Variants in ADCYAP1 observed in about 807,000 individuals in gnomAD.
ADCYAP1 encodes pituitary adenylate cyclase-activating polypeptide.
In ADCYAP1, 6 loss-of-function variants were observed where a neutral mutation model predicts 18.5. The observed-to-expected ratio is 0.32, with a 90% confidence interval of 0.18 to 0.64. The LOEUF (loss-of-function observed/expected upper bound fraction) is 0.64, where lower values mean the gene tolerates loss of function less well. Among genes scored for constraint, ADCYAP1 ranks in the 30% least tolerant of loss-of-function variants. ADCYAP1 has a pLI of 0.77. For synonymous variants in ADCYAP1, 136 were observed against 113.9 expected, an observed-to-expected ratio of 1.19 and a Z score of -1.24; for missense variants, 314 against 253.6, an observed-to-expected ratio of 1.24 and a Z score of -1.62.
Position 911,055 on chromosome 18 carries a change from C to T in ADCYAP1, c.*1420C>T, listed in dbSNP as rs1373654892. 6.6e-6 allele frequency: 1 copy of T among 151,958 alleles called. No individual in the cohort carries two copies. Among genetic ancestry groups the T allele is most frequent in the Non-Finnish European group, 1.5e-5 (1 of 67,978 alleles). 9.4% of individuals were successfully genotyped at this position (151,958 alleles called of 1,614,324 possible). A position where few individuals can be genotyped will look rare whatever the true frequency, so the allele number is the denominator to read the frequency against. Reference sequence around the variant, plus strand: ...CTTAGTAAAATTTATTTCATAAAACCAACCTTTGTCATATTAGAATGTGTA... The same window carrying T: ...CTTAGTAAAATTTATTTCATAAAACTAACCTTTGTCATATTAGAATGTGTA... On this transcript the variant is annotated 3_prime_UTR_variant, in exon 5 of 5. Transcript: ENST00000450565.
intron 4 of ADCYAP1, 74 bp downstream of exon 4, chr18:908,437 G>A (rs1271815919): frequency 3.0e-6 from 4 of 1,350,600 alleles, no homozygotes; most frequent in East Asian, 4.9e-5. Context: ...GGCGGGCGGC[G>A]GTGGGTGCCC....
intron 2 of ADCYAP1, chr18:905,802 G>A (rs1214485300): frequency 6.7e-5 from 31 of 460,656 alleles, no homozygotes; most frequent in Admixed American, 7.4e-5. Context: ...TGGGGGCAGG[G>A]CACGGCCCCT....
chr18:907,386 C>T (rs989496242), intron 2 of ADCYAP1, among the ~76,000 whole-genome samples: 2 of 144,174 alleles, frequency 1.4e-5, no homozygotes, highest in South Asian at 2.4e-4. Context: ...GGAGACGCCT[C>T]GGTTTCCCAG....
At chr18:904,478 G>C (rs1489338199), upstream of ADCYAP1, 2 of 1,289,122 alleles carry the variant, frequency 1.6e-6, no homozygotes, top group Admixed American at 4.6e-5. Flanking sequence ...AACCATGTTC[G>C]GATAGATTTT....
upstream of ADCYAP1, chr18:904,649 G>T: frequency 3.3e-6 from 4 of 1,229,886 alleles, no homozygotes; most frequent in South Asian, 5.6e-5. Context: ...CTACAAAGGC[G>T]GGCTAGCCGC....
Position 907,749 on chromosome 18 carries a change from G to T in ADCYAP1, c.201G>T (p.Ala67=). 3 of 1,504,450 alleles carry T rather than the reference G, an allele frequency of 2.0e-6. No homozygotes were observed. 93.2% of individuals were successfully genotyped at this position (1,504,450 alleles called of 1,614,324 possible). A position where few individuals can be genotyped will look rare whatever the true frequency, so the allele number is the denominator to read the frequency against. Residue 67 remains alanine, a synonymous_variant, in exon 3 of 5, where the codon GCG becomes GCT. Coordinates refer to ENST00000450565, the MANE Select transcript of ADCYAP1 (RefSeq NM_001099733.2). ...EPPGAGSPAS[A]PRAAAAWYRP... ...CGGGCGCAGGGAGCCCCGCCTCCGC[G>T]CCGCGCGCCGCCGCCGCCTGGTACC...
chr18:905,673 G>A (rs1861166659), intron 2 of ADCYAP1, 177 bp downstream of exon 2: 1 of 764,784 alleles, frequency 1.3e-6, no homozygotes, highest in Non-Finnish European at 2.1e-6. Context: ...CCGAGGGTCT[G>A]GCAGGCTCCG....
chr18:909,651 T>C lies in ADCYAP1; in HGVS notation c.*16T>C. 6.2e-7 allele frequency: 1 copy of C among 1,611,300 alleles called. No individual in the cohort carries two copies. The highest frequency in any genetic ancestry group is 8.5e-7 in the Non-Finnish European group (1 of 1,178,138). On this transcript the variant is annotated 3_prime_UTR_variant, in exon 5 of 5. Coordinates refer to ENST00000450565, the MANE Select transcript of ADCYAP1 (RefSeq NM_001099733.2). Reference sequence around the variant, plus strand: ...TTATTTGTAGCGATGGGTTACCAGCTACCCTGTGTATACAGCCCTGACGCA... The same window carrying C: ...TTATTTGTAGCGATGGGTTACCAGCCACCCTGTGTATACAGCCCTGACGCA...
intron 1 of ADCYAP1, 47 bp downstream of exon 1, chr18:905,107 T>C: frequency 1.5e-6 from 2 of 1,347,946 alleles, no homozygotes; most frequent in Non-Finnish European, 1.9e-6. Flanking sequence ...ACTCGACTGC[T>C]GATTCTTTCG....
chr18:908,237 C>A, intron 3 of ADCYAP1, 28 bp from the exon 4 acceptor site: 1 of 1,592,860 alleles, frequency 6.3e-7, no homozygotes, highest in Non-Finnish European at 8.6e-7. Flanking sequence ...AACAGTGACC[C>A]TGGGCGCGCA....
chr18:905,518 C>G (rs773026207), intron 2 of ADCYAP1, 22 bp downstream of exon 2: 4 of 1,602,512 alleles, frequency 2.5e-6, no homozygotes, highest in Non-Finnish European at 3.4e-6. Flanking sequence ...CTGCCTGGCC[C>G]AAGCAGGAGC....
At chr18:907,986 G>A in intron 3 of ADCYAP1, 196 bp downstream of exon 3, 1 of 1,076,520 alleles carries the variant, frequency 9.3e-7, no homozygotes, top group Non-Finnish European at 1.3e-6. Flanking sequence ...CCTGAGGGCC[G>A]CGTGGGGACC....
chr18:909,468 G>C lies in ADCYAP1; in HGVS notation c.364G>C (p.Gly122Arg), dbSNP rs769489887. 6.2e-7 allele frequency: 1 copy of C among 1,612,428 alleles called. No homozygotes were observed. Residue 122 changes from glycine to arginine, a missense_variant, in exon 5 of 5, where the codon GGG becomes CGG. Gly to Arg is a moderately radical substitution (Grantham distance 125, BLOSUM62 -2). Transcript: ENST00000450565. ...CAGTGGGAGCCTCGGCGGCGGCGCG[G>C]GGGACGACGCGGAGCCGCTCTCCAA... ...GVGGSLGGGAGDDAEPLSKRH... is the reference protein window; with the variant it reads ...GVGGSLGGGARDDAEPLSKRH...
rs902817266 is a variant in ADCYAP1, at chr18:909,348, C to T, written c.342-98C>T. 1.3e-5 allele frequency: 17 copies of T among 1,267,644 alleles called. No individual in the cohort carries two copies. The African/African-American group carries it at 2.0e-4, about 15-fold the overall frequency. The allele number at this position is 1,267,644 out of a possible 1,614,324, so 78.5% of individuals were successfully genotyped here. On this transcript the variant is annotated intron_variant, in intron 4 of 4. Coordinates refer to ENST00000450565, the MANE Select transcript of ADCYAP1 (RefSeq NM_001099733.2). ...GGCAGTGCGAGCCCCGGGCCCTCCC[C>T]GAAGGCTCCCGCGTGGGGTGGGGCC...
intron 3 of ADCYAP1, 172 bp downstream of exon 3, chr18:907,962 C>T: frequency 1.6e-6 from 2 of 1,263,876 alleles, no homozygotes; most frequent in Non-Finnish European, 2.1e-6. Flanking sequence ...CAGCAGCGGG[C>T]GGGTCTGTGT....
At position 907,653 on chromosome 18, in the gene ADCYAP1, C is replaced by T; in HGVS notation, c.111-6C>T. On this transcript the variant is annotated splice_polypyrimidine_tract_variant and splice_region_variant and intron_variant, in intron 2 of 4. Coordinates refer to ENST00000450565, the MANE Select transcript of ADCYAP1 (RefSeq NM_001099733.2). ...ACCACACCTTCTGTCCCCGGCCACC[C>T]CGCAGGCCAGAGGAAGAGGCGTACG... The T allele has an allele frequency of 6.3e-7, 1 of 1,581,696 alleles. No homozygotes were observed. The highest frequency in any genetic ancestry group is 8.5e-7 in the Non-Finnish European group (1 of 1,172,140).
Position 907,927 on chromosome 18 carries a change from C to T in ADCYAP1, c.242+137C>T, listed in dbSNP as rs1007555392. 5.2e-6 allele frequency: 7 copies of T among 1,344,340 alleles called. No individual in the cohort carries two copies. In the African/African-American group the frequency reaches 1.1e-4, roughly 21 times the overall value. The allele number at this position is 1,344,340 out of a possible 1,614,324, so 83.3% of individuals were successfully genotyped here. On this transcript the variant is annotated intron_variant, in intron 3 of 4. Transcript: ENST00000450565. Reference sequence around the variant, plus strand: ...CCTCAAGCCTGTCCTCTCCCTGGCCCGATCCTATTGCAGCGACAGAAAATC... The same window carrying T: ...CCTCAAGCCTGTCCTCTCCCTGGCCTGATCCTATTGCAGCGACAGAAAATC...
chr18:905,576 T>C, intron 2 of ADCYAP1, 80 bp downstream of exon 2: 1 of 1,508,804 alleles, frequency 6.6e-7, no homozygotes, highest in Non-Finnish European at 9.0e-7. Context: ...CTTCCTGCAG[T>C]CCTTTGGGTC....
In ADCYAP1 at chr18:905,464, T is replaced by A. The variant is rs958463338; in HGVS notation, c.78T>A (p.Pro26=). The change falls in exon 2 of 5, where the codon CCT becomes CCA. Residue 26 remains proline, a synonymous_variant. Transcript: ENST00000450565. ...TGCACAGCAGCGTCTACAGCTCACC[T>A]GCCGCCGCCGGACTCCGGTTCCCCG... The part of the protein sequence containing the change: ...IIMHSSVYSS[P]AAAGLRFPGI... The A allele has an allele frequency of 5.6e-6, 9 of 1,610,372 alleles. No homozygotes were observed. The highest frequency in any genetic ancestry group is 7.6e-6 in the Non-Finnish European group (9 of 1,180,008).
Sources: allele counts gnomAD v4.1 joint callset (sites outside exome capture counted in the v4.1 genomes callset), GRCh38; gene constraint gnomAD v4.1.1; transcripts MANE v1.5; gene names NCBI Gene and HGNC (gene_info 2026-07-23, HGNC 2026-07-21).